The following CADM1 variants were observed in gnomAD, a reference collection of about 807,000 sequenced individuals.
CADM1 encodes TSLC-1.
A neutral mutation model predicts 53.1 loss-of-function variants in CADM1; 15 were observed. The ratio of observed to expected loss-of-function variants is 0.28; its 90% confidence interval spans 0.19 to 0.44. The LOEUF (loss-of-function observed/expected upper bound fraction) is 0.44. Among genes scored for constraint, CADM1 ranks in the 20% least tolerant of loss-of-function variants. CADM1 has a pLI of 1.00. For synonymous variants in CADM1, 281 were observed against 243.0 expected, an observed-to-expected ratio of 1.16 and a Z score of -1.45; for missense variants, 434 against 611.3, an observed-to-expected ratio of 0.71 and a Z score of 3.06.
intron 6 of CADM1, among the ~76,000 whole-genome samples, chr11:115,216,876 T>C (rs910095876): frequency 6.6e-6 from 1 of 152,176 alleles, no homozygotes; most frequent in Non-Finnish European, 1.5e-5. Context: ...CAGAGATTTC[T>C]GGGGAAGCTT....
intron 1 of CADM1, among the ~76,000 whole-genome samples, chr11:115,315,668 CAAA>C (rs56881752): frequency 2.2e-5 from 3 of 139,320 alleles, no homozygotes. Flanking sequence ...TATGTTTAGC[CAAA>C]AAAAAAAAAA....
At chr11:115,368,156 G>C (rs7941160) in intron 1 of CADM1, among the ~76,000 whole-genome samples, 132,661 of 132,674 alleles carry the variant, frequency 1, 66,324 homozygotes, top group Middle Eastern at 1. Flanking sequence ...CGGAGGAAAT[G>C]GTCTTCCCTT....
At chr11:115,301,936 CTATACA>C (rs1765955156) in intron 1 of CADM1, among the ~76,000 whole-genome samples, 1 of 151,902 alleles carries the variant, frequency 6.6e-6, no homozygotes, top group Admixed American at 6.6e-5. Flanking sequence ...AACTTCAGAA[CTATACA>C]TACACAAAAT....
At chr11:115,258,455 G>C (rs1422624369) in intron 1 of CADM1, among the ~76,000 whole-genome samples, 3 of 152,194 alleles carry the variant, frequency 2.0e-5, no homozygotes, top group African/African-American at 7.2e-5. Flanking sequence ...AAGGCTCAAT[G>C]AAAGGCCTGT....
intron 8 of CADM1, 97 bp from the exon 9 acceptor site, chr11:115,198,535 T>C: frequency 3.4e-6 from 3 of 869,836 alleles, no homozygotes; most frequent in Non-Finnish European, 5.5e-6. Flanking sequence ...AGATAATATA[T>C]GAGCAAGCTT....
chr11:115,187,926 T>G (rs1247149899), intron 10 of CADM1, among the ~76,000 whole-genome samples: 3 of 152,216 alleles, frequency 2.0e-5, no homozygotes, highest in Admixed American at 6.5e-5. Flanking sequence ...CCAGATCACT[T>G]TCTTGTCTGT....
chr11:115,503,506 G>A (rs919851178), intron 1 of CADM1, among the ~76,000 whole-genome samples: 1 of 152,134 alleles, frequency 6.6e-6, no homozygotes, highest in Non-Finnish European at 1.5e-5. Context: ...GGACGCTGTG[G>A]GGCGGGCGGG....
At chr11:115,425,856 G>T (rs186923751) in intron 1 of CADM1, among the ~76,000 whole-genome samples, 2 of 152,288 alleles carry the variant, frequency 1.3e-5, no homozygotes, top group Admixed American at 6.5e-5. Context: ...ACTGCTTTAC[G>T]TGACCATGAA....
chr11:115,362,817 TC>T (rs1388059924), intron 1 of CADM1, among the ~76,000 whole-genome samples: 2 of 152,144 alleles, frequency 1.3e-5, no homozygotes, highest in African/African-American at 4.8e-5. Context: ...AAGGAAGTAC[TC>T]CTCACTAATT....
intron 5 of CADM1, among the ~76,000 whole-genome samples, chr11:115,225,169 C>T (rs1455000429): frequency 3.9e-5 from 6 of 152,212 alleles, no homozygotes; most frequent in Admixed American, 1.3e-4. Context: ...TTCCCGGCAA[C>T]GTTCCTATGA....
chr11:115,460,119 C>T (rs1040476294), intron 1 of CADM1, among the ~76,000 whole-genome samples: 3 of 151,938 alleles, frequency 2.0e-5, no homozygotes, highest in Admixed American at 2.0e-4. Context: ...GCCCCCCTAC[C>T]TTCCAAACCC....
intron 1 of CADM1, among the ~76,000 whole-genome samples, chr11:115,311,926 A>T (rs1735041586): frequency 6.6e-6 from 1 of 152,190 alleles, no homozygotes; most frequent in Non-Finnish European, 1.5e-5. Flanking sequence ...ATGTCATCAG[A>T]TTAGTTTTCA....
chr11:115,371,702 G>C (rs922317126), intron 1 of CADM1, among the ~76,000 whole-genome samples: 1 of 148,286 alleles, frequency 6.7e-6, no homozygotes, highest in Non-Finnish European at 1.5e-5. Flanking sequence ...GCAATGGTGC[G>C]ATCTGGGCTC....
intron 1 of CADM1, among the ~76,000 whole-genome samples, chr11:115,279,611 T>G (rs1360574792): frequency 6.6e-6 from 1 of 152,200 alleles, no homozygotes; most frequent in Non-Finnish European, 1.5e-5. Context: ...AAGAAAAACA[T>G]TTAAGGGCTG....
At chr11:115,310,152 G>A (rs1369066386) in intron 1 of CADM1, among the ~76,000 whole-genome samples, 1 of 151,988 alleles carries the variant, frequency 6.6e-6, no homozygotes, top group Non-Finnish European at 1.5e-5. Flanking sequence ...GGCAAGTAAA[G>A]GAAACATATT....
intron 5 of CADM1, among the ~76,000 whole-genome samples, chr11:115,218,660 A>G (rs1941286107): frequency 6.6e-6 from 1 of 152,232 alleles, no homozygotes; most frequent in Non-Finnish European, 1.5e-5. Context: ...TAGCTCATCC[A>G]AGATCACAGA....
intron 1 of CADM1, among the ~76,000 whole-genome samples, chr11:115,403,804 C>T (rs1240832656): frequency 2.0e-5 from 3 of 150,984 alleles, no homozygotes; most frequent in East Asian, 2.0e-4. Flanking sequence ...ACCATGTTGG[C>T]CAGGCTGGTC....
intron 1 of CADM1, among the ~76,000 whole-genome samples, chr11:115,252,978 C>T (rs1942655200): frequency 6.6e-6 from 1 of 152,168 alleles, no homozygotes. Flanking sequence ...TGGCCTTCCT[C>T]TAAGCCGGGG....
intron 1 of CADM1, among the ~76,000 whole-genome samples, chr11:115,313,899 C>T (rs1944592877): frequency 6.6e-6 from 1 of 152,140 alleles, no homozygotes. Flanking sequence ...GCCAACCCAT[C>T]CATAGATCTG....
Sources: allele counts gnomAD v4.1 joint callset (sites outside exome capture counted in the v4.1 genomes callset), GRCh38; gene constraint gnomAD v4.1.1; transcripts MANE v1.5; gene names NCBI Gene and HGNC (gene_info 2026-07-23, HGNC 2026-07-21).